The following CLN6 variants were observed in gnomAD, a reference collection of about 807,000 sequenced individuals.
CLN6 encodes CLN6 transmembrane ER protein.
Under a neutral mutation model 33.3 loss-of-function variants are expected in CLN6, and 22 were observed. The observed-to-expected ratio is 0.66, with a 90% CI of 0.47 to 0.94. The LOEUF (loss-of-function observed/expected upper bound fraction) is 0.94. Among genes scored for constraint, CLN6 ranks in the 40% least tolerant of loss-of-function variants. The pLI, the probability that CLN6 is intolerant of heterozygous loss-of-function variation, is 0.00. For missense variants in CLN6, 387 were observed against 417.1 expected (o/e 0.93, Z 0.63); for synonymous variants, 201 against 174.6 (o/e 1.15, Z -1.19).
chr15:68,236,826 T>G lies in CLN6; in HGVS notation c.180-18176A>C, dbSNP rs1892222757. 6.6e-6 allele frequency among the ~76,000 whole-genome samples: 1 copy of G among 152,152 alleles called. No individual in the cohort carries two copies. The highest frequency in any genetic ancestry group is 2.4e-5 in the African/African-American group (1 of 41,426). ...CAGACATATCTGAAAAATAAGCAAA[T>G]AGAAATTTTAGAGCTTAACAATTTG... On this transcript the variant is annotated intron_variant, in intron 1 of 6. Transcript: ENST00000538696. This position sits in a 1 kb window ranked among gnomAD's most constrained non-coding sequence, Gnocchi z 4.5.
rs1446664488 is a variant in CLN6, at chr15:68,220,847, T to G, written c.84-2197A>C. Among the ~76,000 whole-genome samples, 1 of 152,044 alleles carries G rather than the reference T, an allele frequency of 6.6e-6. No individual in the cohort carries two copies. Among genetic ancestry groups the G allele is most frequent in the Non-Finnish European group, 1.5e-5 (1 of 68,010 alleles). ...CTTGCTATTCTGTTTTTTTGTTTTG[T>G]TTTTTGGAGACAGGGTCACCTAGGC... On this transcript the variant is annotated intron_variant, in intron 1 of 6. Coordinates refer to ENST00000249806, the MANE Select transcript of CLN6 (RefSeq NM_017882.3). This position sits in a 1 kb window ranked among gnomAD's most constrained non-coding sequence, Gnocchi z 4.2.
Position 68,211,685 on chromosome 15 carries a change from G to T in CLN6, c.476C>A (p.Pro159Gln). The change falls in exon 4 of 7, where the codon CCG becomes CAG. Residue 159 changes from proline to glutamine, a missense_variant. By Grantham distance (76) the Pro-to-Gln change is moderately conservative (BLOSUM62 -1). Transcript: ENST00000249806. The surrounding 1 kb of genome is among the most constrained non-coding windows in gnomAD (Gnocchi z 5.9). ...RENPIIKNLK[P>Q]ETLIDSFELL... ...AGGAGGTGGCCTCACCAGCGTCTCCGGCTTGAGATTCTTGATGATGGGGTT... is the reference window on the plus strand; with the variant it reads ...AGGAGGTGGCCTCACCAGCGTCTCCTGCTTGAGATTCTTGATGATGGGGTT... 1 of 1,613,640 alleles carries T rather than the reference G, an allele frequency of 6.2e-7. No homozygotes were observed.
chr15:68,243,219 G>A (rs1892293951), intron 1 of CLN6, among the ~76,000 whole-genome samples: 2 of 152,186 alleles, frequency 1.3e-5, no homozygotes, highest in African/African-American at 4.8e-5. Flanking sequence ...TTAAAATTCT[G>A]TGAGTATAAA....
In CLN6 at chr15:68,229,607, C is replaced by G. The variant is rs536088577; in HGVS notation, c.-23G>C. ...CATGGCTGCCCCGCAGGCCCCTCGG[C>G]CCTGCCTTTCCGAGGAAGAGACCGG... On this transcript the variant is annotated 5_prime_UTR_variant, in exon 1 of 7. Coordinates refer to ENST00000249806, the MANE Select transcript of CLN6 (RefSeq NM_017882.3). 1 of 1,447,970 alleles carries G rather than the reference C, an allele frequency of 6.9e-7. No individual in the cohort carries two copies. The highest frequency in any genetic ancestry group is 9.1e-7 in the Non-Finnish European group (1 of 1,102,172). 89.7% of individuals were successfully genotyped at this position (1,447,970 alleles called of 1,614,324 possible). A position where few individuals can be genotyped will look rare whatever the true frequency, so the allele number is the denominator to read the frequency against.
intron 3 of CLN6, 155 bp downstream of exon 3, chr15:68,214,135 C>A: frequency 1.5e-6 from 1 of 649,140 alleles, no homozygotes; most frequent in Non-Finnish European, 2.8e-6. Flanking sequence ...CTTCCCCGGG[C>A]CCCAGGCCCT....
chr15:68,212,048 C>T (rs1007891355), intron 3 of CLN6, 185 bp from the exon 4 acceptor site: 10 of 625,488 alleles, frequency 1.6e-5, no homozygotes, highest in Middle Eastern at 4.3e-4. Flanking sequence ...CTATGAACCC[C>T]GGAGGGAATG....
At chr15:68,212,134 CAT>C (rs2093207877) in intron 3 of CLN6, 1 of 500,586 alleles carries the variant, frequency 2.0e-6, no homozygotes, top group African/African-American at 1.9e-5. Flanking sequence ...CAAAGTCACA[CAT>C]GAGCTGTAGG....
At chr15:68,229,365 C>A (rs1174298050) in intron 1 of CLN6, 137 bp downstream of exon 1, 21 of 573,646 alleles carry the variant, frequency 3.7e-5, no homozygotes, top group Non-Finnish European at 1.1e-5. Context: ...GCCTCCAAGC[C>A]CCCCGCGCTC....
intron 1 of CLN6, among the ~76,000 whole-genome samples, chr15:68,240,137 C>T (rs1892267905): frequency 6.6e-6 from 1 of 151,998 alleles, no homozygotes; most frequent in Admixed American, 6.6e-5. Context: ...GCTTTAGCTG[C>T]TTTCATTAGA....
At chr15:68,239,631 TATGAA>T (rs1567104171) in intron 1 of CLN6, among the ~76,000 whole-genome samples, 1 of 152,168 alleles carries the variant, frequency 6.6e-6, no homozygotes, top group Non-Finnish European at 1.5e-5. Context: ...TTTATAGAAT[TATGAA>T]ATGAAATTGA....
intron 1 of CLN6, among the ~76,000 whole-genome samples, chr15:68,226,201 C>A (rs1002258928): frequency 9.2e-5 from 14 of 151,748 alleles, no homozygotes; most frequent in African/African-American, 3.4e-4. Context: ...CACCTGTAAT[C>A]CCAGCTACTT....
rs944938186 is a variant in CLN6 at position 68,256,729 on chromosome 15, C to T, written c.140G>A (p.Cys47Tyr). The T allele has an allele frequency of 4.3e-6, 3 of 692,236 alleles. No homozygotes were observed. The highest frequency in any genetic ancestry group is 5.4e-5 in the East Asian group (2 of 37,124). The allele number at this position is 692,236 out of a possible 1,614,324, so 42.9% of individuals were successfully genotyped here. A position where few individuals can be genotyped will look rare whatever the true frequency, so the allele number is the denominator to read the frequency against. ...TTTGAGTTTTCTCAGCGAAGTCTCA[C>T]AGGACAATGGCGCCTGCGCCAGTGG... The change falls in exon 1 of 7, where the codon TGT becomes TAT. Residue 47 changes from cysteine to tyrosine, a missense_variant. Transcript: ENST00000538696. The surrounding 1 kb of genome is among the most constrained non-coding windows in gnomAD (Gnocchi z 4.1).
Position 68,210,360 on chromosome 15 carries a change from T to C in CLN6, c.543-601A>G, listed in dbSNP as rs2093201455. Among the ~76,000 whole-genome samples the C allele has an allele frequency of 6.6e-6, 1 of 152,144 alleles. No homozygotes were observed. Among genetic ancestry groups the C allele is most frequent in the Non-Finnish European group, 1.5e-5 (1 of 68,028 alleles). On this transcript the variant is annotated intron_variant, in intron 5 of 6. Coordinates refer to ENST00000249806, the MANE Select transcript of CLN6 (RefSeq NM_017882.3). The surrounding 1 kb of genome is among the most constrained non-coding windows in gnomAD (Gnocchi z 5.6). ...TGCTGGGGCTCCAGCTCTCTGTTCC[T>C]AGCCCCTCCACCCTTCCCCAACCTT... is the stretch of plus-strand genomic sequence containing the variant.
At chr15:68,250,273 A>G (rs1216736422) in intron 1 of CLN6, among the ~76,000 whole-genome samples, 1 of 152,162 alleles carries the variant, frequency 6.6e-6, no homozygotes, top group Non-Finnish European at 1.5e-5. Context: ...ACTGAAGAAA[A>G]GAAAGCCCAA....
intron 1 of CLN6, among the ~76,000 whole-genome samples, chr15:68,250,624 CAAAAAAAAAA>C (rs57895966): frequency 1.3e-4 from 8 of 61,656 alleles, no homozygotes. Flanking sequence ...GACTCTGTCT[CAAAAAAAAAA>C]AAAAAAAAAA....
Position 68,228,913 on chromosome 15 carries a change from G to A in CLN6, c.83+589C>T, listed in dbSNP as rs1448861020. ...GAATGGAGCTCTGCTCGCCCAACGAGATAAACCAAAAACTGAGAAGGGCTC... is the reference window on the plus strand; with the variant it reads ...GAATGGAGCTCTGCTCGCCCAACGAAATAAACCAAAAACTGAGAAGGGCTC... On this transcript the variant is annotated intron_variant, in intron 1 of 6. Coordinates refer to ENST00000249806, the MANE Select transcript of CLN6 (RefSeq NM_017882.3). The surrounding 1 kb of genome is among the most constrained non-coding windows in gnomAD (Gnocchi z 4.4). 2.6e-5 allele frequency among the ~76,000 whole-genome samples: 4 copies of A among 152,144 alleles called. No individual in the cohort carries two copies. Among genetic ancestry groups the A allele is most frequent in the African/African-American group, 9.7e-5 (4 of 41,442 alleles).
intron 1 of CLN6, among the ~76,000 whole-genome samples, chr15:68,254,189 A>G (rs1567107156): frequency 6.6e-6 from 1 of 152,048 alleles, no homozygotes; most frequent in Non-Finnish European, 1.5e-5. Context: ...AAAACTACAT[A>G]TTTTTTTAAA....
chr15:68,254,927 G>C, intron 1 of CLN6: 1 of 1,085,428 alleles, frequency 9.2e-7, no homozygotes, highest in Non-Finnish European at 1.4e-6. Context: ...TTTGATAACT[G>C]TGTACTTCTG....
rs2141138813 is a variant in CLN6 at position 68,211,325 on chromosome 15, G to A, written c.487-7C>T. The A allele has an allele frequency of 1.2e-6, 2 of 1,613,940 alleles. No homozygotes were observed. Among genetic ancestry groups the A allele is most frequent in the Non-Finnish European group, 1.7e-6 (2 of 1,180,016 alleles). ...GCAGCTCAAAGGAGTCGATCTGAGG[G>A]AGGAACGGGCAGGGCAGAGTCGGGG... On this transcript the variant is annotated splice_polypyrimidine_tract_variant and splice_region_variant and intron_variant, in intron 4 of 6. Coordinates refer to ENST00000249806, the MANE Select transcript of CLN6 (RefSeq NM_017882.3). The surrounding 1 kb of genome is among the most constrained non-coding windows in gnomAD (Gnocchi z 5.9).
Sources: gnomAD v4.1 joint callset for allele counts (sites outside exome capture counted in the v4.1 genomes callset) on GRCh38, gnomAD v4.1.1 for gene constraint, Gnocchi (gnomAD v3.1) non-coding constraint, MANE v1.5 for transcripts, NCBI Gene and HGNC (gene_info 2026-07-23, HGNC 2026-07-21) for gene names.